Variants in OTUD7A observed in about 807,000 individuals in gnomAD.
OTUD7A encodes OTU domain-containing protein 7A.
OTUD7A carries 12 observed loss-of-function variants against 65.7 expected under a neutral mutation model. That is an observed-to-expected ratio of 0.18 (90% CI 0.12 to 0.30). The LOEUF (loss-of-function observed/expected upper bound fraction) is 0.30, where lower values mean the gene tolerates loss of function less well. Among genes scored for constraint, OTUD7A ranks in the 10% least tolerant of loss-of-function variants. The probability of loss-of-function intolerance (pLI) is 1.00; values close to 1 mark genes in which losing one functional copy is unlikely to be tolerated. For synonymous variants in OTUD7A, 641 were observed against 586.3 expected, an observed-to-expected ratio of 1.09 and a Z score of -1.35; for missense variants, 1,148 against 1,304.8, an observed-to-expected ratio of 0.88 and a Z score of 1.85.
intron 3 of OTUD7A, among the ~76,000 whole-genome samples, chr15:31,608,958 C>G (rs1177952391): frequency 1.3e-5 from 2 of 152,186 alleles, no homozygotes; most frequent in African/African-American, 4.8e-5. Flanking sequence ...ATCCTCTGCC[C>G]CCAAACACAC....
At chr15:31,694,793 T>C (rs1397067667) in intron 1 of OTUD7A, among the ~76,000 whole-genome samples, 1 of 152,220 alleles carries the variant, frequency 6.6e-6, no homozygotes, top group Admixed American at 6.5e-5. Context: ...TGACAGGATT[T>C]CATTCTTTTT....
intron 3 of OTUD7A, among the ~76,000 whole-genome samples, chr15:31,629,000 A>G (rs1232357738): frequency 1.3e-5 from 2 of 152,072 alleles, no homozygotes. Flanking sequence ...GGGCTGAGAC[A>G]ATGGGGTTTT....
At chr15:31,837,862 T>C (rs1457126849) in intron 1 of OTUD7A, among the ~76,000 whole-genome samples, 1 of 152,256 alleles carries the variant, frequency 6.6e-6, no homozygotes, top group African/African-American at 2.4e-5. Flanking sequence ...CAAATCATTA[T>C]ACCTGATTTT....
intron 1 of OTUD7A, chr15:31,766,349 T>C (rs1895094051): frequency 1.3e-6 from 2 of 1,594,230 alleles, no homozygotes; most frequent in South Asian, 1.1e-5. Context: ...TATGATTTGG[T>C]GGGGGAAATA....
rs546633526 is a variant in OTUD7A, at chr15:31,653,526, G to A, written c.151+1570C>T. 3.2e-4 allele frequency among the ~76,000 whole-genome samples: 45 copies of A among 140,054 alleles called. No individual in the cohort carries two copies. The Admixed American group carries it at 3.3e-3, about 10-fold the overall frequency. 91.9% of individuals were successfully genotyped at this position (140,054 alleles called of 152,430 possible). A position where few individuals can be genotyped will look rare whatever the true frequency, so the allele number is the denominator to read the frequency against. On this transcript the variant is annotated intron_variant, in intron 3 of 12. Transcript: ENST00000307050. ...AGTTTCAGAAGATTAGGCTCTGTAG[G>A]ACATTTATCTGACATTCTTGCAAAG...
chr15:31,662,715 C>G (rs1348064992), intron 1 of OTUD7A, among the ~76,000 whole-genome samples: 1 of 152,200 alleles, frequency 6.6e-6, no homozygotes, highest in Non-Finnish European at 1.5e-5. Context: ...TACAGGACTT[C>G]TTGGACAGCT....
At chr15:31,797,023 G>A (rs565190599) in intron 1 of OTUD7A, among the ~76,000 whole-genome samples, 4 of 152,102 alleles carry the variant, frequency 2.6e-5, no homozygotes, top group African/African-American at 4.8e-5. Context: ...CGTGAGCCAC[G>A]GCACCTGGCC....
intron 5 of OTUD7A, among the ~76,000 whole-genome samples, chr15:31,548,331 CAA>C (rs1388837209): frequency 6.6e-6 from 1 of 152,128 alleles, no homozygotes; most frequent in Non-Finnish European, 1.5e-5. Flanking sequence ...CTTGGCCTCT[CAA>C]AGAGTGTTCC....
intron 1 of OTUD7A, among the ~76,000 whole-genome samples, chr15:31,831,654 A>G (rs976307136): frequency 1.3e-5 from 2 of 152,234 alleles, no homozygotes; most frequent in African/African-American, 2.4e-5. Context: ...AAGAGAAACT[A>G]AAGAATCCGT....
chr15:31,641,369 C>A (rs925528606), intron 3 of OTUD7A, among the ~76,000 whole-genome samples: 1 of 152,196 alleles, frequency 6.6e-6, no homozygotes, highest in African/African-American at 2.4e-5. Context: ...AATGTGAGAA[C>A]AAATATGCTT....
chr15:31,631,402 T>A (rs1367484082), intron 3 of OTUD7A, among the ~76,000 whole-genome samples: 2 of 152,354 alleles, frequency 1.3e-5, no homozygotes, highest in African/African-American at 2.4e-5. Context: ...TCTTTAAGAA[T>A]GTTGAATATT....
intron 1 of OTUD7A, among the ~76,000 whole-genome samples, chr15:31,740,042 T>G (rs987993256): frequency 3.3e-5 from 5 of 152,178 alleles, no homozygotes; most frequent in African/African-American, 1.2e-4. Flanking sequence ...GGTGACAGAC[T>G]ACTACCACGG....
intron 1 of OTUD7A, among the ~76,000 whole-genome samples, chr15:31,741,207 G>A (rs1894333861): frequency 6.6e-6 from 1 of 152,142 alleles, no homozygotes; most frequent in Non-Finnish European, 1.5e-5. Context: ...ATCCCCATAT[G>A]GTTAGGAGAT....
chr15:31,636,133 T>C (rs562318483), intron 3 of OTUD7A, among the ~76,000 whole-genome samples: 2 of 152,364 alleles, frequency 1.3e-5, no homozygotes, highest in East Asian at 1.9e-4. Context: ...CTTTACTGTA[T>C]TGCCCTTTGA....
chr15:31,551,841 G>A (rs144477013), intron 5 of OTUD7A, among the ~76,000 whole-genome samples: 625 of 152,242 alleles, frequency 4.1e-3, no homozygotes, highest in African/African-American at 0.014. Flanking sequence ...ATGGGACTGC[G>A]GTATTGCCTT....
intron 1 of OTUD7A, among the ~76,000 whole-genome samples, chr15:31,755,384 G>A (rs1894782938): frequency 6.6e-6 from 1 of 152,080 alleles, no homozygotes; most frequent in Admixed American, 6.6e-5. Context: ...CAGATAGGAA[G>A]CATCATGTAA....
At chr15:31,505,696 TAATAGC>T (rs1234336030) in intron 8 of OTUD7A, among the ~76,000 whole-genome samples, 2 of 152,186 alleles carry the variant, frequency 1.3e-5, no homozygotes, top group Non-Finnish European at 2.9e-5. Flanking sequence ...GGGAATAACA[TAATAGC>T]TTATAAGTAT....
rs187257119 is a variant in OTUD7A, at chr15:31,788,895, T to C, written c.-100+81612A>G. Among the ~76,000 whole-genome samples the C allele has an allele frequency of 1.0e-3, 159 of 152,324 alleles. 1 individual carries two copies. The highest frequency in any genetic ancestry group is 2.0e-3 in the Admixed American group (31 of 15,304). On this transcript the variant is annotated intron_variant, in intron 1 of 12. Coordinates refer to ENST00000307050, the MANE Select transcript of OTUD7A (RefSeq NM_001382637.1). The stretch of plus-strand genomic sequence containing the variant: ...TAAGGCTTTATTTTTAATGTTCATT[T>C]TGCATATGAACAGGCTGAGGCTCAA...
At chr15:31,848,413 T>C (rs1313365916) in intron 1 of OTUD7A, among the ~76,000 whole-genome samples, 1 of 152,148 alleles carries the variant, frequency 6.6e-6, no homozygotes, top group Non-Finnish European at 1.5e-5. Context: ...GGTTCCCCAG[T>C]TGTAGGTAAT....
Sources: gnomAD v4.1 joint callset for allele counts (sites outside exome capture counted in the v4.1 genomes callset) on GRCh38, gnomAD v4.1.1 for gene constraint, MANE v1.5 for transcripts, NCBI Gene and HGNC (gene_info 2026-07-23, HGNC 2026-07-21) for gene names.